Variants in CREB5 observed in about 807,000 individuals in gnomAD.
CREB5 encodes cyclic AMP-responsive element-binding protein 5.
CREB5 carries 19 observed loss-of-function variants against 57.1 expected under a neutral mutation model. That is an observed-to-expected ratio of 0.33 (90% CI 0.23 to 0.49). The LOEUF (loss-of-function observed/expected upper bound fraction) is 0.49. CREB5 is among the 20% of genes least tolerant of loss of function. The pLI, the probability that CREB5 is intolerant of heterozygous loss-of-function variation, is 0.99. For missense variants in CREB5, 579 were observed against 671.6 expected, an observed-to-expected ratio of 0.86 and a Z score of 1.52; for synonymous variants, 238 against 238.3, an observed-to-expected ratio of 1.00 and a Z score of 0.01.
chr7:28,421,275 A>G (rs1788234923), intron 1 of CREB5, among the ~76,000 whole-genome samples: 1 of 152,204 alleles, frequency 6.6e-6, no homozygotes, highest in African/African-American at 2.4e-5. Flanking sequence ...TACTTCACCT[A>G]GGATAATGGC....
At chr7:28,584,381 T>A (rs1043164677) in intron 5 of CREB5, among the ~76,000 whole-genome samples, 1 of 152,148 alleles carries the variant, frequency 6.6e-6, no homozygotes. Flanking sequence ...GATGACATTG[T>A]GGAGGATTTG....
At chr7:28,310,344 G>A (rs1785254508) in intron 1 of CREB5, among the ~76,000 whole-genome samples, 1 of 152,230 alleles carries the variant, frequency 6.6e-6, no homozygotes, top group East Asian at 1.9e-4. Flanking sequence ...ATAGCACAAA[G>A]ATTAGAAAGC....
intron 4 of CREB5, among the ~76,000 whole-genome samples, chr7:28,544,302 A>G (rs1260813834): frequency 2.6e-5 from 4 of 151,942 alleles, no homozygotes; most frequent in South Asian, 2.1e-4. Context: ...TGAGCTTTGG[A>G]TGTTGTATTG....
At chr7:28,642,971 C>CACAT (rs1798724516) in intron 5 of CREB5, among the ~76,000 whole-genome samples, 2 of 81,246 alleles carry the variant, frequency 2.5e-5, no homozygotes, top group Non-Finnish European at 5.5e-5. Flanking sequence ...CACACACACA[C>CACAT]ACACACACAC....
rs774373836 is a variant in CREB5 at position 28,824,595 on chromosome 7, CAAAG to C, written c.*5320_*5323del. ...GTAAAATTCAATACCAAAACAAACA[CAAAG>C]AAATTTAAAAAACAAAAAACCTAGC... On this transcript the variant is annotated 3_prime_UTR_variant, in exon 11 of 11. Coordinates refer to ENST00000357727, the MANE Select transcript of CREB5 (RefSeq NM_182898.4). 1.3e-5 allele frequency: 2 copies of C among 152,562 alleles called. No individual in the cohort carries two copies. Among genetic ancestry groups the C allele is most frequent in the African/African-American group, 4.8e-5 (2 of 41,424 alleles). The allele number at this position is 152,562 out of a possible 1,614,324, so 9.5% of individuals were successfully genotyped here.
chr7:28,413,104 G>A (rs975695237), intron 1 of CREB5, among the ~76,000 whole-genome samples, 187 bp downstream of exon 1: 1 of 151,598 alleles, frequency 6.6e-6, no homozygotes, highest in Non-Finnish European at 1.5e-5. Flanking sequence ...GTGTGTGTGT[G>A]TGTGTGTGTG....
At chr7:28,306,141 C>A (rs973276024) in intron 1 of CREB5, among the ~76,000 whole-genome samples, 2 of 152,106 alleles carry the variant, frequency 1.3e-5, no homozygotes, top group Admixed American at 1.3e-4. Context: ...CTGCAACCAG[C>A]CAAAGCGTCC....
intron 1 of CREB5, among the ~76,000 whole-genome samples, chr7:28,382,990 C>T (rs779277400): frequency 3.3e-5 from 5 of 152,092 alleles, no homozygotes; most frequent in African/African-American, 4.8e-5. Flanking sequence ...TAGGGTTAAG[C>T]CTTGAAAACA....
intron 1 of CREB5, among the ~76,000 whole-genome samples, chr7:28,481,385 G>A (rs753326256): frequency 1.3e-5 from 2 of 152,144 alleles, no homozygotes; most frequent in Admixed American, 1.3e-4. Context: ...ATATTTAACC[G>A]CAGTGTTATG....
chr7:28,694,695 C>G (rs958124301), intron 5 of CREB5, among the ~76,000 whole-genome samples: 1 of 152,144 alleles, frequency 6.6e-6, no homozygotes, highest in Non-Finnish European at 1.5e-5. Flanking sequence ...CAGGTGCACA[C>G]CACTACACAT....
chr7:28,342,047 A>G (rs1467419785), intron 1 of CREB5, among the ~76,000 whole-genome samples: 1 of 152,216 alleles, frequency 6.6e-6, no homozygotes, highest in Non-Finnish European at 1.5e-5. Context: ...ATAGAGAATC[A>G]TTTTATATTA....
At chr7:28,363,256 G>A (rs371425658) in intron 1 of CREB5, among the ~76,000 whole-genome samples, 3 of 152,050 alleles carry the variant, frequency 2.0e-5, no homozygotes, top group Non-Finnish European at 2.9e-5. Context: ...ATGGCAACAC[G>A]AAGCAGGTGT....
At chr7:28,604,559 C>A (rs1016921487) in intron 5 of CREB5, among the ~76,000 whole-genome samples, 2 of 151,870 alleles carry the variant, frequency 1.3e-5, no homozygotes, top group Non-Finnish European at 2.9e-5. Context: ...AATTGAGGAA[C>A]TTCTCTACCT....
In CREB5 at chr7:28,724,252, A is replaced by G. The variant is rs186101654; in HGVS notation, c.622A>G (p.Ile208Val). The G allele has an allele frequency of 3.1e-5, 50 of 1,613,602 alleles. 1 individual carries two copies. The Admixed American group carries it at 5.2e-4, about 17-fold the overall frequency. Reference sequence around the variant, plus strand: ...GCGACAAATGTCAGTGAACTCCAGCATCATGGGGATGCAAGGTCCAAATCT... The same window carrying G: ...GCGACAAATGTCAGTGAACTCCAGCGTCATGGGGATGCAAGGTCCAAATCT... ...MERQMSVNSSIMGMQGPNLSN... is the reference protein window; with the variant it reads ...MERQMSVNSSVMGMQGPNLSN... Residue 208 changes from isoleucine to valine, a missense_variant, in exon 7 of 11, where the codon ATC becomes GTC. Ile to Val is a conservative substitution (Grantham distance 29, BLOSUM62 3). Coordinates refer to ENST00000357727, the MANE Select transcript of CREB5 (RefSeq NM_182898.4).
At chr7:28,561,019 T>TGCGTGTGTGCGCGTGC (rs796249724) in intron 4 of CREB5, among the ~76,000 whole-genome samples, 2 of 31,356 alleles carry the variant, frequency 6.4e-5, no homozygotes, top group African/African-American at 1.5e-4. Context: ...TGTGTGTGCG[T>TGCGTGTGTGCGCGTGC]GTGTGCGTGT....
At chr7:28,466,210 T>TAAAAAAAAAAAAAAAAAAAAAAAA (rs5883134) in intron 1 of CREB5, among the ~76,000 whole-genome samples, 2 of 94,746 alleles carry the variant, frequency 2.1e-5, no homozygotes, top group African/African-American at 4.0e-5. Context: ...TGACTGGAGT[T>TAAAAAAAAAAAAAAAAAAAAAAAA]AAAAAAAAAA....
chr7:28,391,150 C>T (rs1444961669), intron 1 of CREB5, among the ~76,000 whole-genome samples: 1 of 152,168 alleles, frequency 6.6e-6, no homozygotes, highest in Non-Finnish European at 1.5e-5. Context: ...ATGTTTGTAT[C>T]ATCGCTCAGT....
At chr7:28,571,129 G>A (rs1178142312) in intron 5 of CREB5, among the ~76,000 whole-genome samples, 1 of 152,126 alleles carries the variant, frequency 6.6e-6, no homozygotes, top group Admixed American at 6.5e-5. Context: ...TGGACACGGT[G>A]GACAGGAGGG....
At chr7:28,469,224 A>C (rs961586110) in intron 1 of CREB5, among the ~76,000 whole-genome samples, 3 of 152,166 alleles carry the variant, frequency 2.0e-5, no homozygotes, top group Non-Finnish European at 4.4e-5. Context: ...TGTCTCTAAA[A>C]AATAAATAAA....
Sources: gnomAD v4.1 joint callset for allele counts (sites outside exome capture counted in the v4.1 genomes callset) on GRCh38, gnomAD v4.1.1 for gene constraint, MANE v1.5 for transcripts, NCBI Gene and HGNC (gene_info 2026-07-23, HGNC 2026-07-21) for gene names.